Variants in IQGAP2 observed in about 807,000 individuals in gnomAD.
IQGAP2 encodes ras GTPase-activating-like protein IQGAP2.
A neutral mutation model predicts 201.3 loss-of-function variants in IQGAP2; 173 were observed. The ratio of observed to expected loss-of-function variants is 0.86; its 90% CI spans 0.76 to 0.98. The LOEUF (loss-of-function observed/expected upper bound fraction) is 0.98. Ranked by LOEUF, IQGAP2 falls within the 50% of genes least tolerant of loss-of-function variation. IQGAP2 has a pLI of 0.00. For missense variants in IQGAP2, 1,687 were observed against 1,864.8 expected, an observed-to-expected ratio of 0.90 and a Z score of 1.76; for synonymous variants, 675 against 673.9, an observed-to-expected ratio of 1.00 and a Z score of -0.03.
At chr5:76,551,846 AAGAGGGAGACGGG>A (rs1465768851) in intron 2 of IQGAP2, among the ~76,000 whole-genome samples, 3 of 135,714 alleles carry the variant, frequency 2.2e-5, no homozygotes, top group East Asian at 5.1e-4. Flanking sequence ...AGACCTTGCA[AAGAGGGAGACGGG>A]AGAGGGAGAC....
chr5:76,671,747 G>C lies in IQGAP2; in HGVS notation c.2844-12G>C. On this transcript the variant is annotated splice_polypyrimidine_tract_variant and intron_variant, in intron 23 of 35. Coordinates refer to ENST00000274364, the MANE Select transcript of IQGAP2 (RefSeq NM_006633.5). The stretch of plus-strand genomic sequence containing the variant: ...GAAGCAAACCATTTTGTTTTGTCTT[G>C]GGCTTTTTTAGATCAAAAGTGGACC... 6.3e-7 allele frequency: 1 copy of C among 1,585,132 alleles called. No individual in the cohort carries two copies. The highest frequency in any genetic ancestry group is 8.7e-7 in the Non-Finnish European group (1 of 1,155,976).
intron 2 of IQGAP2, among the ~76,000 whole-genome samples, chr5:76,462,882 G>A (rs776872851): frequency 6.6e-6 from 1 of 152,150 alleles, no homozygotes; most frequent in Non-Finnish European, 1.5e-5. Flanking sequence ...GAAGTCTACA[G>A]TTAGGTTGCA....
rs1447735402 is a variant in IQGAP2, at chr5:76,429,531, C to G, written c.46+25940C>G. 3.4e-5 allele frequency among the ~76,000 whole-genome samples: 5 copies of G among 147,908 alleles called. No individual in the cohort carries two copies. The East Asian group carries it at 9.9e-4, about 29-fold the overall frequency. ...AGCTTGCAGTGAGCCAAGATCGCAC[C>G]ATTGCACTCCAGCCTGGGCGACAGA... On this transcript the variant is annotated intron_variant, in intron 1 of 35. Transcript: ENST00000274364.
intron 2 of IQGAP2, among the ~76,000 whole-genome samples, chr5:76,528,716 G>T (rs1457499794): frequency 3.9e-5 from 6 of 152,108 alleles, no homozygotes; most frequent in African/African-American, 1.4e-4. Context: ...GCGACTCTAG[G>T]GTCATTCGTG....
chr5:76,439,658 A>G (rs908108764), intron 1 of IQGAP2, among the ~76,000 whole-genome samples: 1 of 152,036 alleles, frequency 6.6e-6, no homozygotes, highest in Non-Finnish European at 1.5e-5. Flanking sequence ...TTCTGATATA[A>G]GAATAGCTAC....
At chr5:76,533,740 G>A (rs2884654) in intron 2 of IQGAP2, among the ~76,000 whole-genome samples, 73,465 of 151,828 alleles carry the variant, frequency 0.48, 18,091 homozygotes, top group South Asian at 0.74. Flanking sequence ...GGGTTTCACC[G>A]TGTTAGCCAG....
At chr5:76,425,393 ATGT>A (rs1406168064) in intron 1 of IQGAP2, among the ~76,000 whole-genome samples, 1 of 152,198 alleles carries the variant, frequency 6.6e-6, no homozygotes, top group Non-Finnish European at 1.5e-5. Flanking sequence ...ACAGCTGTTA[ATGT>A]TGCCATTGCA....
At chr5:76,681,878 A>G (rs1745335623) in intron 28 of IQGAP2, among the ~76,000 whole-genome samples, 1 of 152,240 alleles carries the variant, frequency 6.6e-6, no homozygotes, top group Non-Finnish European at 1.5e-5. Context: ...TTCATACAAT[A>G]CAATATTATT....
chr5:76,623,733 AT>A (rs1749942590), intron 13 of IQGAP2, among the ~76,000 whole-genome samples: 1 of 152,210 alleles, frequency 6.6e-6, no homozygotes, highest in Non-Finnish European at 1.5e-5. Context: ...GCTATTTCAA[AT>A]CTTAATCCTT....
At chr5:76,632,548 A>C (rs777056712) in intron 15 of IQGAP2, among the ~76,000 whole-genome samples, 4 of 152,180 alleles carry the variant, frequency 2.6e-5, no homozygotes, top group Non-Finnish European at 5.9e-5. Context: ...ACAGTTTGAT[A>C]CTCATTTTTC....
Position 76,702,501 on chromosome 5 carries a change from G to T in IQGAP2, c.4525G>T (p.Asp1509Tyr). The T allele has an allele frequency of 6.4e-7, 1 of 1,552,432 alleles. No individual in the cohort carries two copies. Among genetic ancestry groups the T allele is most frequent in the Non-Finnish European group, 8.9e-7 (1 of 1,124,134 alleles). Residue 1509 changes from aspartate (D) to tyrosine (Y), a missense_variant, in exon 35 of 36, where the codon GAT becomes TAT. Asp to Tyr is a radical substitution (Grantham distance 160). Transcript: ENST00000274364. ...QTNQFKNVTF[D>Y]IIATEDVGIF... ...TCACAGGTTTAAGAATGTTACATTT[G>T]ATATCATAGCTACTGAAGATGTAGG...
intron 29 of IQGAP2, 58 bp from the exon 30 acceptor site, chr5:76,683,718 T>A (rs1745501199): frequency 6.6e-7 from 1 of 1,507,276 alleles, no homozygotes; most frequent in African/African-American, 1.4e-5. Context: ...CTTACATTGT[T>A]GGTGCCATCA....
At position 76,683,869 on chromosome 5, in the gene IQGAP2, A is replaced by G. The variant is rs143650393; in HGVS notation, c.3857A>G (p.Tyr1286Cys). 1.9e-6 allele frequency: 3 copies of G among 1,613,446 alleles called. No individual in the cohort carries two copies. The highest frequency in any genetic ancestry group is 2.2e-5 in the East Asian group (1 of 44,856). The change falls in exon 30 of 36, where the codon TAT (tyrosine) becomes TGT (cysteine). Residue 1286 changes from tyrosine (Y) to cysteine (C), a missense_variant. Physicochemically the swap from Tyr to Cys is radical, Grantham distance 194. Coordinates refer to ENST00000274364, the MANE Select transcript of IQGAP2 (RefSeq NM_006633.5). Reference protein sequence around the residue: ...TEISLVLTSKYDIEDGEAIDS... With the variant: ...TEISLVLTSKCDIEDGEAIDS... ...ATTTCTCTTGTCTTGACAAGCAAAT[A>G]TGACATAGAGGACGGTGAAGCTATA...
At chr5:76,445,357 G>T (rs934161391) in intron 1 of IQGAP2, among the ~76,000 whole-genome samples, 4 of 152,096 alleles carry the variant, frequency 2.6e-5, no homozygotes, top group African/African-American at 9.7e-5. Context: ...TAGGGCTGTT[G>T]TGAAGATTAA....
At chr5:76,434,784 G>C (rs1476736012) in intron 1 of IQGAP2, among the ~76,000 whole-genome samples, 3 of 152,122 alleles carry the variant, frequency 2.0e-5, no homozygotes, top group Admixed American at 1.3e-4. Flanking sequence ...TCTTCATAGT[G>C]TTTTTCATAG....
chr5:76,589,090 G>T (rs1359031070), intron 6 of IQGAP2, 117 bp downstream of exon 6: 3 of 533,178 alleles, frequency 5.6e-6, no homozygotes, highest in African/African-American at 2.0e-5. Flanking sequence ...GAGGCGGGCG[G>T]ATCACAAGGT....
At chr5:76,617,743 TAAG>T (rs765629731) in intron 13 of IQGAP2, 1 of 1,613,898 alleles carries the variant, frequency 6.2e-7, no homozygotes. Context: ...TGGTGAATAA[TAAG>T]AATAATATTG....
At chr5:76,549,269 G>A (rs1469609836) in intron 2 of IQGAP2, among the ~76,000 whole-genome samples, 2 of 151,934 alleles carry the variant, frequency 1.3e-5, no homozygotes, top group Admixed American at 6.6e-5. Context: ...CAAGGGGCAC[G>A]TAACTGGTAA....
At chr5:76,695,752 A>G (rs1746670390) in intron 32 of IQGAP2, 86 bp downstream of exon 32, 1 of 1,020,718 alleles carries the variant, frequency 9.8e-7, no homozygotes, top group Admixed American at 1.9e-5. Context: ...GTGAGGTGGC[A>G]TTAGGGATTC....
Sources: gnomAD v4.1 joint callset for allele counts (sites outside exome capture counted in the v4.1 genomes callset) on GRCh38, gnomAD v4.1.1 for gene constraint, MANE v1.5 for transcripts, NCBI Gene and HGNC (gene_info 2026-07-23, HGNC 2026-07-21) for gene names.